Variants in ABHD12 observed in about 807,000 individuals in gnomAD.
ABHD12 encodes abhydrolase domain containing 12, lysophospholipase.
ABHD12 carries 43 observed loss-of-function variants against 58.3 expected under a neutral mutation model. The observed-to-expected ratio is 0.74, with a 90% CI of 0.58 to 0.95. ABHD12 has a LOEUF of 0.95. ABHD12 is among the 40% of genes least tolerant of loss of function. The pLI is 0.00. For synonymous variants in ABHD12, 219 were observed against 211.2 expected (o/e 1.04, Z -0.32); for missense variants, 539 against 537.2 (o/e 1.00, Z -0.03).
At chr20:25,371,185 C>T (rs367835875) in intron 1 of ABHD12, among the ~76,000 whole-genome samples, 4 of 152,148 alleles carry the variant, frequency 2.6e-5, no homozygotes, top group African/African-American at 7.2e-5. Flanking sequence ...CTGGTGGTCA[C>T]GGTTCCTACA....
At chr20:25,331,709 T>C (rs1275054591) in intron 2 of ABHD12, among the ~76,000 whole-genome samples, 1 of 151,960 alleles carries the variant, frequency 6.6e-6, no homozygotes, top group Non-Finnish European at 1.5e-5. Context: ...CAAACTAAGC[T>C]TCATAAGTGA....
At chr20:25,366,316 C>T (rs1453589624) in intron 1 of ABHD12, among the ~76,000 whole-genome samples, 2 of 151,808 alleles carry the variant, frequency 1.3e-5, no homozygotes, top group Non-Finnish European at 2.9e-5. Flanking sequence ...ACTCTTGTTG[C>T]CCAGGCTGGA....
intron 6 of ABHD12, among the ~76,000 whole-genome samples, chr20:25,312,876 G>T (rs1167469727): frequency 6.8e-6 from 1 of 146,598 alleles, no homozygotes; most frequent in Non-Finnish European, 1.5e-5. Context: ...CAGCCGCCCC[G>T]TCTGAGAAGT....
Position 25,302,202 on chromosome 20 carries a change from G to T in ABHD12, c.1157+17C>A. On this transcript the variant is annotated intron_variant, in intron 12 of 12. Transcript: ENST00000339157. ...GCTGCCCAGACGAAGCCCCTGGGTG[G>T]GAAGAGAATGTCTCACCTCAGTATC... is the stretch of plus-strand genomic sequence containing the variant. The T allele has an allele frequency of 1.2e-6, 2 of 1,612,664 alleles. No homozygotes were observed. The highest frequency in any genetic ancestry group is 1.7e-6 in the Non-Finnish European group (2 of 1,179,852).
At chr20:25,350,792 C>T (rs1045591665) in intron 1 of ABHD12, among the ~76,000 whole-genome samples, 1 of 152,216 alleles carries the variant, frequency 6.6e-6, no homozygotes, top group African/African-American at 2.4e-5. Context: ...GACATCTTAT[C>T]TGAACTTCCC....
downstream of ABHD12, among the ~76,000 whole-genome samples, chr20:25,299,126 A>G (rs1397673295): frequency 6.6e-6 from 1 of 152,224 alleles, no homozygotes. Flanking sequence ...AGCTTGGCTG[A>G]GTGCAATGGC....
At chr20:25,328,357 T>C (rs548994645) in intron 2 of ABHD12, among the ~76,000 whole-genome samples, 1 of 152,046 alleles carries the variant, frequency 6.6e-6, no homozygotes, top group South Asian at 2.1e-4. Context: ...GGAGCGGGGG[T>C]AGCCTCCTCA....
chr20:25,332,370 A>C (rs375003402), intron 2 of ABHD12, among the ~76,000 whole-genome samples: 8 of 150,872 alleles, frequency 5.3e-5, no homozygotes, highest in South Asian at 4.3e-4. Flanking sequence ...GACTTTAACA[A>C]CCCACTGTCA....
chr20:25,321,456 G>A (rs549056156), intron 3 of ABHD12, among the ~76,000 whole-genome samples: 2 of 152,384 alleles, frequency 1.3e-5, no homozygotes, highest in African/African-American at 4.8e-5. Context: ...GGCAGTTGGT[G>A]AGCTGGGCCT....
downstream of ABHD12, chr20:25,297,584 G>A (rs2088568343): frequency 6.6e-6 from 1 of 152,326 alleles, no homozygotes; most frequent in Non-Finnish European, 1.5e-5. Flanking sequence ...GCCTGGCACT[G>A]GGAGGTGGGG....
At chr20:25,329,936 C>A (rs2089240643) in intron 2 of ABHD12, among the ~76,000 whole-genome samples, 1 of 152,146 alleles carries the variant, frequency 6.6e-6, no homozygotes, top group Admixed American at 6.5e-5. Context: ...AAAACAAATG[C>A]ATGGAATTGT....
chr20:25,362,912 A>G (rs919376561), intron 1 of ABHD12, among the ~76,000 whole-genome samples: 5 of 151,952 alleles, frequency 3.3e-5, no homozygotes, highest in African/African-American at 1.2e-4. Flanking sequence ...ACCTCAGGTG[A>G]TCTGCCCACC....
rs147851412 is a variant in ABHD12, at chr20:25,323,513, G to A, written c.317-83C>T. ...CACACAAACATGCATACTCACACAC[G>A]TGCACAGATATGCATCCACACGTGC... On this transcript the variant is annotated intron_variant, in intron 2 of 12. Transcript: ENST00000339157. 712 of 875,418 alleles carry A rather than the reference G, an allele frequency of 8.1e-4. 2 individuals are homozygous for A. In the East Asian group the frequency reaches 0.014, roughly 17 times the overall value. The allele number at this position is 875,418 out of a possible 1,614,324, so 54.2% of individuals were successfully genotyped here.
chr20:25,339,548 A>G, intron 1 of ABHD12, 197 bp from the exon 2 acceptor site: 1 of 1,414,062 alleles, frequency 7.1e-7, no homozygotes, highest in Non-Finnish European at 9.7e-7. Context: ...ATTTGGGCTT[A>G]GAACTCTACT....
At chr20:25,378,878 G>C (rs1407576377) in intron 1 of ABHD12, among the ~76,000 whole-genome samples, 2 of 151,976 alleles carry the variant, frequency 1.3e-5, no homozygotes, top group Non-Finnish European at 2.9e-5. Flanking sequence ...ACACCCATCT[G>C]CCCTCTGCTC....
At chr20:25,309,949 C>G (rs1213266777) in intron 6 of ABHD12, among the ~76,000 whole-genome samples, 2 of 152,264 alleles carry the variant, frequency 1.3e-5, no homozygotes, top group Non-Finnish European at 2.9e-5. Context: ...CACCGGCATC[C>G]TCAGGCCAGG....
At chr20:25,324,698 G>C (rs1401726215) in intron 2 of ABHD12, among the ~76,000 whole-genome samples, 1 of 152,140 alleles carries the variant, frequency 6.6e-6, no homozygotes, top group Non-Finnish European at 1.5e-5. Context: ...AGGACATGGG[G>C]ACATACACAC....
chr20:25,296,363 C>A (rs752141561), downstream of ABHD12: 8 of 1,614,046 alleles, frequency 5.0e-6, no homozygotes, highest in Non-Finnish European at 6.8e-6. Flanking sequence ...CATCTCCTTC[C>A]CTGCAGAACC....
chr20:25,368,790 C>T (rs2089859960), intron 1 of ABHD12: 8 of 741,368 alleles, frequency 1.1e-5, no homozygotes, highest in South Asian at 4.2e-5. Flanking sequence ...GGGCTCCCAG[C>T]GGCGGTGGCA....
Sources: allele counts gnomAD v4.1 joint callset (sites outside exome capture counted in the v4.1 genomes callset), GRCh38; gene constraint gnomAD v4.1.1; transcripts MANE v1.5; gene names NCBI Gene and HGNC (gene_info 2026-07-23, HGNC 2026-07-21).